The following NACC2 variants were observed in gnomAD, a reference collection of about 807,000 sequenced individuals.
NACC2 encodes NACC family member 2.
Under a neutral mutation model 25.1 loss-of-function variants are expected in NACC2, and 8 were observed. The ratio of observed to expected loss-of-function variants is 0.32; its 90% confidence interval spans 0.19 to 0.57. NACC2 has a LOEUF of 0.57. Ranked by LOEUF, NACC2 falls within the 20% of genes least tolerant of loss-of-function variation. The pLI, the probability that NACC2 is intolerant of heterozygous loss-of-function variation, is 0.89. For missense variants in NACC2, 644 were observed against 650.2 expected, an observed-to-expected ratio of 0.99 and a Z score of 0.10; for synonymous variants, 435 against 294.7, an observed-to-expected ratio of 1.48 and a Z score of -4.88.
rs1830356615 is a variant in NACC2 at position 136,084,459 on chromosome 9, T to C, written c.-60+10730A>G. 6.6e-6 allele frequency among the ~76,000 whole-genome samples: 1 copy of C among 152,156 alleles called. No homozygotes were observed. The highest frequency in any genetic ancestry group is 6.5e-5 in the Admixed American group (1 of 15,280). ...AAGAAGGCGGTATCTCTGACGTCCCTGCCCAAGACGCCAATCACCAGGAGG... is the reference window on the plus strand; with the variant it reads ...AAGAAGGCGGTATCTCTGACGTCCCCGCCCAAGACGCCAATCACCAGGAGG... On this transcript the variant is annotated intron_variant, in intron 1 of 5. Coordinates refer to ENST00000277554, the MANE Select transcript of NACC2 (RefSeq NM_144653.5). This position sits in a 1 kb window ranked among gnomAD's most constrained non-coding sequence, Gnocchi z 5.1.
intron 2 of NACC2, among the ~76,000 whole-genome samples, chr9:136,033,692 TA>T (rs1840506713): frequency 1.3e-5 from 2 of 150,978 alleles, no homozygotes; most frequent in Non-Finnish European, 1.5e-5. Flanking sequence ...TAAATCTTTT[TA>T]AAAAAAGATG....
intron 1 of NACC2, among the ~76,000 whole-genome samples, chr9:136,059,405 C>T (rs992147021): frequency 3.9e-5 from 6 of 152,198 alleles, no homozygotes; most frequent in South Asian, 4.1e-4. Flanking sequence ...GGGGGCTGCG[C>T]GAGAGGCCCC....
Position 136,019,862 on chromosome 9 carries a change from G to T in NACC2, c.887-3433C>A, listed in dbSNP as rs887520323. Among the ~76,000 whole-genome samples the T allele has an allele frequency of 6.6e-6, 1 of 152,166 alleles. No individual in the cohort carries two copies. Among genetic ancestry groups the T allele is most frequent in the African/African-American group, 2.4e-5 (1 of 41,446 alleles). On this transcript the variant is annotated intron_variant, in intron 2 of 5. Coordinates refer to ENST00000277554, the MANE Select transcript of NACC2 (RefSeq NM_144653.5). This position sits in a 1 kb window ranked among gnomAD's most constrained non-coding sequence, Gnocchi z 5.2. ...ACACCAGGGGAGCTTGCGAGAGGGC[G>T]GCTGAGCCTGGAGGACACCACACTC... is the stretch of plus-strand genomic sequence containing the variant.
chr9:136,093,597 C>T (rs1830455161), intron 1 of NACC2, among the ~76,000 whole-genome samples: 1 of 152,244 alleles, frequency 6.6e-6, no homozygotes, highest in Non-Finnish European at 1.5e-5. Context: ...TCTCTGTGCC[C>T]ATTCCAAGTG....
rs936993975 is a variant in NACC2 at position 136,036,552 on chromosome 9, C to T, written c.886+13084G>A. On this transcript the variant is annotated intron_variant, in intron 2 of 5. Coordinates refer to ENST00000277554, the MANE Select transcript of NACC2 (RefSeq NM_144653.5). Reference sequence around the variant, plus strand: ...ATATAAATACACACATATACATATACATATATATACACACGTATATTAGCT... The same window carrying T: ...ATATAAATACACACATATACATATATATATATATACACACGTATATTAGCT... Among the ~76,000 whole-genome samples, 43 of 152,068 alleles carry T rather than the reference C, an allele frequency of 2.8e-4. 1 individual carries two copies. The South Asian group carries it at 8.9e-3, about 31-fold the overall frequency.
chr9:136,088,158 T>C (rs1159481196), intron 1 of NACC2, among the ~76,000 whole-genome samples: 2 of 152,210 alleles, frequency 1.3e-5, no homozygotes, highest in Non-Finnish European at 2.9e-5. Flanking sequence ...AGCAGCCCCT[T>C]GGCTGTGCAG....
chr9:136,035,703 CTTGT>C lies in NACC2; in HGVS notation c.886+13929_886+13932del, dbSNP rs1233005651. On this transcript the variant is annotated intron_variant, in intron 2 of 5. Transcript: ENST00000277554. ...TACTGTGATTATATAAGAGAATGTC[CTTGT>C]TTGTTAAAAAAAAAAAAAAGTTCAG... 1.5e-4 allele frequency among the ~76,000 whole-genome samples: 20 copies of C among 136,496 alleles called. 1 individual carries two copies. Among genetic ancestry groups the C allele is most frequent in the Non-Finnish European group, 2.2e-4 (14 of 63,322 alleles). The allele number at this position is 136,496 out of a possible 152,430, so 89.5% of individuals were successfully genotyped here.
intron 2 of NACC2, among the ~76,000 whole-genome samples, chr9:136,036,879 T>C (rs1400027551): frequency 6.6e-6 from 1 of 152,166 alleles, no homozygotes; most frequent in Non-Finnish European, 1.5e-5. Flanking sequence ...AAAGTAAAAA[T>C]GCACGTGTTC....
chr9:136,050,273 G>T lies in NACC2; in HGVS notation c.249C>A (p.Ser83=). 1.3e-6 allele frequency: 1 copy of T among 765,024 alleles called. No homozygotes were observed. Among genetic ancestry groups the T allele is most frequent in the Non-Finnish European group, 2.4e-6 (1 of 412,866 alleles). The allele number at this position is 765,024 out of a possible 1,614,324, so 47.4% of individuals were successfully genotyped here. ...TGGTGAGCCTGCCCGTGTAGCAGAAGGACAGGATCTGCTGGAAGCAGGCGG... is the reference window on the plus strand; with the variant it reads ...TGGTGAGCCTGCCCGTGTAGCAGAATGACAGGATCTGCTGGAAGCAGGCGG... ...VPPACFQQIL[S]FCYTGRLTMT... The change falls in exon 2 of 6, where the codon TCC becomes TCA. Residue 83 remains serine (S), a synonymous_variant. Transcript: ENST00000277554.
chr9:136,046,046 G>A (rs12350140), intron 2 of NACC2, among the ~76,000 whole-genome samples: 6,637 of 152,276 alleles, frequency 0.044, 378 homozygotes, highest in East Asian at 0.19. Flanking sequence ...AGGCGGGTAC[G>A]CGAGGAAGAG....
chr9:136,051,771 G>A (rs940438884), intron 1 of NACC2, among the ~76,000 whole-genome samples: 8 of 152,280 alleles, frequency 5.3e-5, no homozygotes, highest in Non-Finnish European at 8.8e-5. Flanking sequence ...TGCCCGCTCC[G>A]CCTGGCAGGA....
At chr9:136,092,774 G>C (rs537066321) in intron 1 of NACC2, among the ~76,000 whole-genome samples, 1 of 152,212 alleles carries the variant, frequency 6.6e-6, no homozygotes, top group Non-Finnish European at 1.5e-5. Flanking sequence ...TTGGTTCTCC[G>C]GAGAAACATG....
intron 1 of NACC2, among the ~76,000 whole-genome samples, chr9:136,074,348 G>A (rs1473788747): frequency 6.8e-6 from 1 of 146,248 alleles, no homozygotes; most frequent in African/African-American, 2.6e-5. Flanking sequence ...AGCTACTCGG[G>A]AGGCTGAGGC....
intron 2 of NACC2, among the ~76,000 whole-genome samples, chr9:136,017,523 A>C (rs10858205): frequency 3.1e-3 from 401 of 129,596 alleles, no homozygotes; most frequent in South Asian, 4.4e-3. Context: ...CCCCACCCCC[A>C]CCACCCTGAG....
intron 1 of NACC2, among the ~76,000 whole-genome samples, chr9:136,075,639 G>A (rs1160346593): frequency 3.9e-5 from 6 of 152,234 alleles, no homozygotes; most frequent in Admixed American, 2.0e-4. Context: ...AGCCTGCAGG[G>A]CCCCCTCAGG....
intron 2 of NACC2, among the ~76,000 whole-genome samples, chr9:136,045,156 G>A (rs1840701143): frequency 6.6e-6 from 1 of 152,208 alleles, no homozygotes; most frequent in South Asian, 2.1e-4. Context: ...CCGCCCCATG[G>A]AAGTGGGTAC....
Position 136,011,481 on chromosome 9 carries a change from A to G in NACC2, c.*35T>C. 2 of 1,349,062 alleles carry G rather than the reference A, an allele frequency of 1.5e-6. No individual in the cohort carries two copies. The highest frequency in any genetic ancestry group is 1.9e-6 in the Non-Finnish European group (2 of 1,051,888). The allele number at this position is 1,349,062 out of a possible 1,614,324, so 83.6% of individuals were successfully genotyped here. Reference sequence around the variant, plus strand: ...ATTAGTAACGCATGCAAGCAGCTCTAGTACTCGGTCCCTCGCGCAGCCACC... The same window carrying G: ...ATTAGTAACGCATGCAAGCAGCTCTGGTACTCGGTCCCTCGCGCAGCCACC... On this transcript the variant is annotated 3_prime_UTR_variant, in exon 6 of 6. Coordinates refer to ENST00000277554, the MANE Select transcript of NACC2 (RefSeq NM_144653.5).
rs1189238266 is a variant in NACC2 at position 136,050,542 on chromosome 9, G to T, written c.-21C>A. 2.7e-6 allele frequency: 2 copies of T among 753,756 alleles called. No individual in the cohort carries two copies. Among genetic ancestry groups the T allele is most frequent in the African/African-American group, 1.7e-5 (1 of 58,836 alleles). 46.7% of individuals were successfully genotyped at this position (753,756 alleles called of 1,614,324 possible). A position where few individuals can be genotyped will look rare whatever the true frequency, so the allele number is the denominator to read the frequency against. ...GACATGGCGGGCGGGCAGCGGCGGG[G>T]CTGGGCTCTCAGCGCGGGGCGGCCC... On this transcript the variant is annotated 5_prime_UTR_variant, in exon 2 of 6. Transcript: ENST00000277554.
intron 1 of NACC2, among the ~76,000 whole-genome samples, chr9:136,093,549 C>T (rs1564247058): frequency 6.6e-6 from 1 of 152,222 alleles, no homozygotes; most frequent in Non-Finnish European, 1.5e-5. Context: ...GAAAGGATCC[C>T]TGGCCACTAA....
Sources: allele counts gnomAD v4.1 joint callset (sites outside exome capture counted in the v4.1 genomes callset), GRCh38; gene constraint gnomAD v4.1.1; non-coding constraint Gnocchi (gnomAD v3.1); transcripts MANE v1.5; gene names NCBI Gene and HGNC (gene_info 2026-07-23, HGNC 2026-07-21).